The following EBF1 variants were observed in gnomAD, a reference collection of about 807,000 sequenced individuals.
The protein encoded by EBF1 is EBF transcription factor 1.
Under a neutral mutation model 68.4 loss-of-function variants are expected in EBF1, and 10 were observed. That is an observed-to-expected ratio of 0.15 (90% CI 0.09 to 0.25). The LOEUF (loss-of-function observed/expected upper bound fraction) is 0.25. EBF1 is among the 10% of genes least tolerant of loss of function. The probability of loss-of-function intolerance (pLI) is 1.00; values close to 1 mark genes in which losing one functional copy is unlikely to be tolerated. For synonymous variants in EBF1, 298 were observed against 299.8 expected, an observed-to-expected ratio of 0.99 and a Z score of 0.06; for missense variants, 509 against 794.4, an observed-to-expected ratio of 0.64 and a Z score of 4.32.
At chr5:158,887,493 G>C (rs539067036) in intron 6 of EBF1, among the ~76,000 whole-genome samples, 1 of 152,252 alleles carries the variant, frequency 6.6e-6, no homozygotes, top group African/African-American at 2.4e-5. Context: ...TTCACGCTAA[G>C]GCTCATCTCT....
chr5:158,979,979 T>C (rs1757580218), intron 6 of EBF1, among the ~76,000 whole-genome samples: 1 of 152,142 alleles, frequency 6.6e-6, no homozygotes, highest in African/African-American at 2.4e-5. Flanking sequence ...GAGTGTTTTG[T>C]TTTTTGTTTT....
intron 6 of EBF1, among the ~76,000 whole-genome samples, chr5:158,951,360 T>G (rs148442576): frequency 1.2e-3 from 177 of 152,296 alleles, no homozygotes; most frequent in African/African-American, 3.8e-3. Context: ...GAACTTGGCG[T>G]CAACTTGAGT....
rs547951425 is a variant in EBF1 at position 158,813,221 on chromosome 5, G to A, written c.778+9955C>T. Among the ~76,000 whole-genome samples, 163 of 152,288 alleles carry A rather than the reference G, an allele frequency of 1.1e-3. 1 individual carries two copies. Among genetic ancestry groups the A allele is most frequent in the African/African-American group, 3.7e-3 (153 of 41,568 alleles). Reference sequence around the variant, plus strand: ...TAAGCAATAATAGCTGTGAGATCATGATTTTGAAGTTGGAGTTATTGTTTT... The same window carrying A: ...TAAGCAATAATAGCTGTGAGATCATAATTTTGAAGTTGGAGTTATTGTTTT... On this transcript the variant is annotated intron_variant, in intron 8 of 15. Coordinates refer to ENST00000313708, the MANE Select transcript of EBF1 (RefSeq NM_024007.5).
intron 7 of EBF1, among the ~76,000 whole-genome samples, chr5:158,827,198 C>T (rs191091792): frequency 4.6e-5 from 7 of 152,240 alleles, no homozygotes; most frequent in African/African-American, 1.7e-4. Context: ...AAGAATGTGT[C>T]GGGTTGATAA....
intron 6 of EBF1, among the ~76,000 whole-genome samples, chr5:158,955,806 T>G (rs553356186): frequency 6.6e-6 from 1 of 152,276 alleles, no homozygotes; most frequent in Admixed American, 6.5e-5. Flanking sequence ...AGAGTAGAAG[T>G]GTGCTACCAT....
intron 8 of EBF1, among the ~76,000 whole-genome samples, chr5:158,796,842 A>C (rs1227929721): frequency 6.6e-6 from 1 of 152,194 alleles, no homozygotes; most frequent in Non-Finnish European, 1.5e-5. Flanking sequence ...ATTGCTTCAT[A>C]GTTAAATATA....
At chr5:159,042,022 C>T (rs143999401) in intron 6 of EBF1, among the ~76,000 whole-genome samples, 57 of 152,282 alleles carry the variant, frequency 3.7e-4, no homozygotes, top group African/African-American at 1.3e-3. Flanking sequence ...AATGAGAGTG[C>T]TTTGGCTGCA....
At chr5:158,883,666 T>C (rs1212122953) in intron 6 of EBF1, among the ~76,000 whole-genome samples, 1 of 152,116 alleles carries the variant, frequency 6.6e-6, no homozygotes, top group Non-Finnish European at 1.5e-5. Flanking sequence ...AGCCCCGTTT[T>C]ACAAGTAGGG....
At chr5:158,782,211 C>A (rs1411623867) in intron 9 of EBF1, among the ~76,000 whole-genome samples, 1 of 152,172 alleles carries the variant, frequency 6.6e-6, no homozygotes, top group African/African-American at 2.4e-5. Context: ...AAGTTGCCTG[C>A]ATTTTTGAGG....
In EBF1 at chr5:158,959,661, A is replaced by G. The variant is rs114964120; in HGVS notation, c.554+113735T>C. Among the ~76,000 whole-genome samples the G allele has an allele frequency of 5.0e-3, 768 of 152,178 alleles. 13 individuals are homozygous for G. Among genetic ancestry groups the G allele is most frequent in the African/African-American group, 0.017 (710 of 41,556 alleles). ...GAAGACTTTTAAGACAAAAGAATATATATGTATGTATATATATATATACTT... is the reference window on the plus strand; with the variant it reads ...GAAGACTTTTAAGACAAAAGAATATGTATGTATGTATATATATATATACTT... On this transcript the variant is annotated intron_variant, in intron 6 of 15. Coordinates refer to ENST00000313708, the MANE Select transcript of EBF1 (RefSeq NM_024007.5).
At chr5:158,743,292 C>G (rs1303115911) in intron 10 of EBF1, among the ~76,000 whole-genome samples, 1 of 152,068 alleles carries the variant, frequency 6.6e-6, no homozygotes, top group Non-Finnish European at 1.5e-5. Flanking sequence ...GCATTCCAGG[C>G]AATAGGAACA....
At chr5:159,091,073 TAA>T (rs1781544452) in intron 4 of EBF1, among the ~76,000 whole-genome samples, 1 of 152,220 alleles carries the variant, frequency 6.6e-6, no homozygotes, top group Admixed American at 6.5e-5. Flanking sequence ...CTCAGCAATA[TAA>T]GACAGAGAGA....
intron 6 of EBF1, among the ~76,000 whole-genome samples, chr5:158,852,197 G>A (rs182222714): frequency 6.6e-6 from 1 of 151,632 alleles, no homozygotes; most frequent in Non-Finnish European, 1.5e-5. Context: ...TAGACAAAAG[G>A]GATCAGCTGA....
At chr5:159,090,834 A>ATAATAAT (rs70987950) in intron 4 of EBF1, among the ~76,000 whole-genome samples, 1 of 151,958 alleles carries the variant, frequency 6.6e-6, no homozygotes, top group Non-Finnish European at 1.5e-5. Flanking sequence ...AATAATAATA[A>ATAATAAT]AAGCATCTAA....
At chr5:158,957,304 G>T (rs1817331392) in intron 6 of EBF1, among the ~76,000 whole-genome samples, 1 of 152,196 alleles carries the variant, frequency 6.6e-6, no homozygotes, top group African/African-American at 2.4e-5. Flanking sequence ...TGTCATGGAT[G>T]CAAGAAAATA....
At chr5:158,988,869 G>T (rs183111789) in intron 6 of EBF1, among the ~76,000 whole-genome samples, 23 of 152,318 alleles carry the variant, frequency 1.5e-4, no homozygotes, top group African/African-American at 4.6e-4. Flanking sequence ...GGAGGGAAAA[G>T]AATTTTTTAA....
At chr5:158,706,860 T>C (rs1464188220) in intron 15 of EBF1, among the ~76,000 whole-genome samples, 2 of 152,242 alleles carry the variant, frequency 1.3e-5, no homozygotes, top group Non-Finnish European at 2.9e-5. Flanking sequence ...CCTCATACTT[T>C]AGGAAGATGT....
chr5:158,880,345 A>C (rs1449698035), intron 6 of EBF1, among the ~76,000 whole-genome samples: 1 of 152,212 alleles, frequency 6.6e-6, no homozygotes, highest in East Asian at 1.9e-4. Context: ...ACCATGAGAG[A>C]GCTCAACATT....
intron 6 of EBF1, among the ~76,000 whole-genome samples, chr5:158,902,554 G>A (rs747538496): frequency 6.7e-6 from 1 of 150,136 alleles, no homozygotes; most frequent in Non-Finnish European, 1.5e-5. Flanking sequence ...AGCCTCCCAA[G>A]TATCTAGGAC....
Sources: allele counts gnomAD v4.1 joint callset (sites outside exome capture counted in the v4.1 genomes callset), GRCh38; gene constraint gnomAD v4.1.1; transcripts MANE v1.5; gene names NCBI Gene and HGNC (gene_info 2026-07-23, HGNC 2026-07-21).